Variants in RIMS3 observed in about 807,000 individuals in gnomAD.
The protein encoded by RIMS3 is regulating synaptic membrane exocytosis protein 3.
Under a neutral mutation model 29.2 loss-of-function variants are expected in RIMS3, and 15 were observed. The observed-to-expected ratio is 0.51, with a 90% CI of 0.34 to 0.79. The LOEUF is 0.79. Ranked by LOEUF, RIMS3 falls within the 30% of genes least tolerant of loss-of-function variation. RIMS3 has a pLI of 0.01. For synonymous variants in RIMS3, 161 were observed against 170.1 expected (o/e 0.95, Z 0.41); for missense variants, 342 against 421.4 (o/e 0.81, Z 1.65).
intron 7 of RIMS3, among the ~76,000 whole-genome samples, chr1:40,628,498 C>A (rs1482661829): frequency 1.3e-5 from 2 of 152,192 alleles, no homozygotes; most frequent in African/African-American, 4.8e-5. Flanking sequence ...GCACCTAACA[C>A]AAGGCTTGGC....
At chr1:40,668,018 C>T (rs1007460400), upstream of RIMS3, among the ~76,000 whole-genome samples, 6 of 151,886 alleles carry the variant, frequency 4.0e-5, no homozygotes, top group South Asian at 2.1e-4. Context: ...TTTGGGAGGC[C>T]GAGGCAGGCG....
At chr1:40,686,110 C>A in the RIMS3 span, among the ~76,000 whole-genome samples, 2 of 152,108 alleles carry the variant, frequency 1.3e-5, no homozygotes, top group Non-Finnish European at 2.9e-5. Flanking sequence ...GATCACACCA[C>A]TACACTCCAG....
rs370650692 is a variant in RIMS3, at chr1:40,630,953, C to T, written c.473-1581G>A. On this transcript the variant is annotated intron_variant, in intron 5 of 7. Coordinates refer to ENST00000372684, the MANE Select transcript of RIMS3 (RefSeq NM_014747.3). ...TCTCCTGTTCCAGCAGGCAGGAGCT[C>T]CTGGGCAGGAGCTTTTGAGGGCATT... 7.9e-5 allele frequency among the ~76,000 whole-genome samples: 12 copies of T among 152,320 alleles called. No homozygotes were observed. The East Asian group carries it at 2.3e-3, about 29-fold the overall frequency.
chr1:40,662,548 T>G (rs1195707921), intron 1 of RIMS3, among the ~76,000 whole-genome samples: 1 of 152,180 alleles, frequency 6.6e-6, no homozygotes, highest in Non-Finnish European at 1.5e-5. Flanking sequence ...AGGTACCTGG[T>G]GGACTGAATG....
chr1:40,677,640 G>C, the RIMS3 span, among the ~76,000 whole-genome samples: 12 of 152,038 alleles, frequency 7.9e-5, no homozygotes, highest in Admixed American at 4.6e-4. Flanking sequence ...GGAGCTTGCA[G>C]TGAGCTGAGA....
intron 7 of RIMS3, 106 bp downstream of exon 7, chr1:40,628,704 G>A (rs1646469746): frequency 1.4e-6 from 2 of 1,445,812 alleles, no homozygotes; most frequent in Non-Finnish European, 1.9e-6. Context: ...GCAAATTAAT[G>A]CACCTACCAC....
At chr1:40,651,971 A>AC (rs1646634429) in intron 1 of RIMS3, among the ~76,000 whole-genome samples, 1 of 152,164 alleles carries the variant, frequency 6.6e-6, no homozygotes, top group African/African-American at 2.4e-5. Context: ...TTTATTGATT[A>AC]ATTGATTCCT....
chr1:40,663,551 C>T (rs1286818372), intron 1 of RIMS3, among the ~76,000 whole-genome samples: 3 of 152,204 alleles, frequency 2.0e-5, no homozygotes, highest in African/African-American at 7.2e-5. Flanking sequence ...AAAGGGCCAG[C>T]TGCTACTGCA....
upstream of RIMS3, among the ~76,000 whole-genome samples, chr1:40,666,932 C>T (rs144521918): frequency 4.2e-4 from 64 of 152,120 alleles, no homozygotes; most frequent in East Asian, 8.7e-3. Flanking sequence ...GGCTGAGGTA[C>T]GAGAATCACT....
At chr1:40,686,674 A>C in the RIMS3 span, among the ~76,000 whole-genome samples, 2 of 152,126 alleles carry the variant, frequency 1.3e-5, no homozygotes, top group African/African-American at 2.4e-5. Context: ...AAAACAAAAA[A>C]AACCCTTAAT....
chr1:40,637,589 A>T (rs1276314995), intron 3 of RIMS3, among the ~76,000 whole-genome samples: 1 of 152,168 alleles, frequency 6.6e-6, no homozygotes, highest in African/African-American at 2.4e-5. Flanking sequence ...AATCACATAT[A>T]TGAATACAGT....
chr1:40,685,282 TATTA>T, the RIMS3 span, among the ~76,000 whole-genome samples: 4 of 64,384 alleles, frequency 6.2e-5, no homozygotes, highest in East Asian at 1.1e-3. Flanking sequence ...AAACATAATT[TATTA>T]ATATATATAT....
Position 40,636,177 on chromosome 1 carries a change from A to T in RIMS3, c.218-120T>A, listed in dbSNP as rs1173496755. 17 of 1,311,024 alleles carry T rather than the reference A, an allele frequency of 1.3e-5. No individual in the cohort carries two copies. The African/African-American group carries it at 2.2e-4, about 17-fold the overall frequency. 81.2% of individuals were successfully genotyped at this position (1,311,024 alleles called of 1,614,324 possible). On this transcript the variant is annotated intron_variant, in intron 3 of 7. Transcript: ENST00000372684. This position sits in a 1 kb window ranked among gnomAD's most constrained non-coding sequence, Gnocchi z 4.2. Reference sequence around the variant, plus strand: ...TGGGGGGTTGATGGGGAGGATGAGCAGGGCTCTGACTGGAGGCAGGGGCAT... The same window carrying T: ...TGGGGGGTTGATGGGGAGGATGAGCTGGGCTCTGACTGGAGGCAGGGGCAT...
In RIMS3 at chr1:40,625,436, A is replaced by T. The variant is rs554389951; in HGVS notation, c.*1081T>A. ...GAAATGCACAAAAACTGGAGCCCCA[A>T]ATGAACAACTTCATGCAGTGAATCC... On this transcript the variant is annotated 3_prime_UTR_variant, in exon 8 of 8. Coordinates refer to ENST00000372684, the MANE Select transcript of RIMS3 (RefSeq NM_014747.3). The T allele has an allele frequency of 6.6e-6, 1 of 152,632 alleles. No homozygotes were observed. Among genetic ancestry groups the T allele is most frequent in the Non-Finnish European group, 1.5e-5 (1 of 68,062 alleles). The allele number at this position is 152,632 out of a possible 1,614,324, so 9.5% of individuals were successfully genotyped here. A position where few individuals can be genotyped will look rare whatever the true frequency, so the allele number is the denominator to read the frequency against.
At chr1:40,651,911 T>A (rs1646634088) in intron 1 of RIMS3, among the ~76,000 whole-genome samples, 1 of 152,230 alleles carries the variant, frequency 6.6e-6, no homozygotes. Context: ...TCCACCAATG[T>A]GTGTTTTGTG....
chr1:40,641,554 C>A (rs1646557643), intron 3 of RIMS3, among the ~76,000 whole-genome samples, 155 bp downstream of exon 3: 1 of 152,228 alleles, frequency 6.6e-6, no homozygotes, highest in Non-Finnish European at 1.5e-5. Flanking sequence ...AGTCCATACA[C>A]CTACTGGACC....
intron 3 of RIMS3, among the ~76,000 whole-genome samples, chr1:40,641,484 T>C (rs1646557299): frequency 6.6e-6 from 1 of 152,224 alleles, no homozygotes; most frequent in Non-Finnish European, 1.5e-5. Context: ...GTTTGAAGCA[T>C]CTGACCTCCC....
the RIMS3 span, among the ~76,000 whole-genome samples, chr1:40,683,834 T>A: frequency 5.3e-5 from 8 of 152,352 alleles, no homozygotes; most frequent in African/African-American, 1.9e-4. Flanking sequence ...TCCTCTGACC[T>A]CTTTACCCTC....
Position 40,654,827 on chromosome 1 carries a change from T to TAC in RIMS3, c.-206-6987_-206-6986dup, listed in dbSNP as rs1557682792. ...TACCTAGCTACATTTGCCAGGGACATACACACACACTTAAACTCTCTCATA... is the reference window on the plus strand; with the variant it reads ...TACCTAGCTACATTTGCCAGGGACATACACACACACACTTAAACTCTCTCATA... On this transcript the variant is annotated intron_variant, in intron 1 of 7. Transcript: ENST00000372684. The surrounding 1 kb of genome is among the most constrained non-coding windows in gnomAD (Gnocchi z 5.3). Among the ~76,000 whole-genome samples, 2 of 151,882 alleles carry TAC rather than the reference T, an allele frequency of 1.3e-5. No individual in the cohort carries two copies. The highest frequency in any genetic ancestry group is 4.8e-5 in the African/African-American group (2 of 41,340).
Sources: gnomAD v4.1 joint callset for allele counts (sites outside exome capture counted in the v4.1 genomes callset) on GRCh38, gnomAD v4.1.1 for gene constraint, Gnocchi (gnomAD v3.1) non-coding constraint, MANE v1.5 for transcripts, NCBI Gene and HGNC (gene_info 2026-07-23, HGNC 2026-07-21) for gene names.